ZFP91: variants seen among roughly 807,000 people sequenced by gnomAD.
ZFP91 encodes the protein ZFP91 zinc finger protein, atypical E3 ubiquitin ligase, also known as E3 ubiquitin-protein ligase ZFP91.
Under a neutral mutation model 63.5 loss-of-function variants are expected in ZFP91, and 7 were observed. That is an observed-to-expected ratio of 0.11 (90% CI 0.06 to 0.21). ZFP91 has a LOEUF of 0.21. ZFP91 is among the 10% of genes least tolerant of loss of function. The pLI is 1.00. For synonymous variants in ZFP91, 330 were observed against 272.1 expected (o/e 1.21, Z -2.10); for missense variants, 628 against 736.6 (o/e 0.85, Z 1.71).
chr11:58,619,810 T>G lies in ZFP91; in HGVS notation c.*2104T>G, dbSNP rs550697775. Reference sequence around the variant, plus strand: ...TTGGAGTCGACTTTGGTATATTGACTAGATTTGAAAATACAAGATTGATTA... The same window carrying G: ...TTGGAGTCGACTTTGGTATATTGACGAGATTTGAAAATACAAGATTGATTA... On this transcript the variant is annotated 3_prime_UTR_variant, in exon 11 of 11. Coordinates refer to ENST00000316059, the MANE Select transcript of ZFP91 (RefSeq NM_053023.5). 6.5e-6 allele frequency: 1 copy of G among 152,690 alleles called. No individual in the cohort carries two copies. The highest frequency in any genetic ancestry group is 2.1e-4 in the South Asian group (1 of 4,830). The allele number at this position is 152,690 out of a possible 1,614,324, so 9.5% of individuals were successfully genotyped here. A position where few individuals can be genotyped will look rare whatever the true frequency, so the allele number is the denominator to read the frequency against.
intron 2 of ZFP91, among the ~76,000 whole-genome samples, chr11:58,596,285 T>C (rs1473379387): frequency 6.6e-6 from 1 of 152,232 alleles, no homozygotes; most frequent in Non-Finnish European, 1.5e-5. Context: ...GTTACTCTTA[T>C]CTCAGGGGGT....
At chr11:58,608,496 A>G (rs1434703131) in intron 2 of ZFP91, among the ~76,000 whole-genome samples, 2 of 152,138 alleles carry the variant, frequency 1.3e-5, no homozygotes, top group Non-Finnish European at 2.9e-5. Context: ...ACAATACATT[A>G]TGTTGTCAAA....
chr11:58,583,809 A>G (rs1855158355), intron 1 of ZFP91, among the ~76,000 whole-genome samples: 1 of 152,070 alleles, frequency 6.6e-6, no homozygotes, highest in African/African-American at 2.4e-5. Context: ...GTTTCTAAGT[A>G]GAATAGATTT....
chr11:58,595,016 G>A (rs974505401), intron 2 of ZFP91, among the ~76,000 whole-genome samples: 2 of 152,132 alleles, frequency 1.3e-5, no homozygotes, highest in African/African-American at 4.8e-5. Flanking sequence ...TCTGGATTGA[G>A]CCCTTGCCGT....
At chr11:58,603,806 C>T (rs1275865005) in intron 2 of ZFP91, among the ~76,000 whole-genome samples, 2 of 152,128 alleles carry the variant, frequency 1.3e-5, no homozygotes, top group Non-Finnish European at 2.9e-5. Context: ...CCCTTTTTCC[C>T]CCCTTCTATT....
At chr11:58,592,132 G>C (rs1265921750) in intron 2 of ZFP91, among the ~76,000 whole-genome samples, 2 of 147,366 alleles carry the variant, frequency 1.4e-5, no homozygotes, top group African/African-American at 5.1e-5. Context: ...GCCCAGGCTG[G>C]AGTGCAGTGA....
At chr11:58,610,136 G>A in intron 3 of ZFP91, 97 bp downstream of exon 3, 3 of 1,489,892 alleles carry the variant, frequency 2.0e-6, no homozygotes, top group South Asian at 1.2e-5. Flanking sequence ...ACTGTCAGGG[G>A]CAGGTTTGAT....
chr11:58,616,718 C>A lies in ZFP91; in HGVS notation c.1105C>A (p.Gln369Lys). The change falls in exon 10 of 11, where the codon CAA becomes AAA. Residue 369 changes from glutamine (Q) to lysine (K), a missense_variant and splice_region_variant. Physicochemically the swap from Gln to Lys is moderately conservative, Grantham distance 53. Around this residue, in one of 3 missense-constraint regions of ZFP91, gnomAD observed 76 missense variants for 230.9 expected, o/e 0.33. Coordinates refer to ENST00000316059, the MANE Select transcript of ZFP91 (RefSeq NM_053023.5). ...TAACCACAGTATTTTCTTCATAGAT[C>A]AAAGGGATTATATCTGTGAATATTG... Reference protein sequence around the residue: ...LLRHAKHHTDQRDYICEYCAR... With the variant: ...LLRHAKHHTDKRDYICEYCAR... The A allele has an allele frequency of 6.2e-7, 1 of 1,612,586 alleles. No individual in the cohort carries two copies. Among genetic ancestry groups the A allele is most frequent in the South Asian group, 1.1e-5 (1 of 90,988 alleles).
intron 2 of ZFP91, among the ~76,000 whole-genome samples, chr11:58,607,589 A>G (rs1479591467): frequency 2.7e-5 from 4 of 148,070 alleles, no homozygotes; most frequent in South Asian, 2.2e-4. Flanking sequence ...TCGCACTGCT[A>G]TTTATCTCTG....
intron 2 of ZFP91, among the ~76,000 whole-genome samples, chr11:58,593,024 C>T (rs911782456): frequency 2.6e-5 from 4 of 152,144 alleles, no homozygotes; most frequent in African/African-American, 9.7e-5. Flanking sequence ...AGAGAACTCA[C>T]CTATTACCAC....
intron 2 of ZFP91, among the ~76,000 whole-genome samples, chr11:58,601,131 TG>T (rs1175559802): frequency 1.3e-5 from 2 of 152,196 alleles, no homozygotes; most frequent in African/African-American, 2.4e-5. Flanking sequence ...TAGGATGTGT[TG>T]GGAAGTGTTC....
Position 58,606,941 on chromosome 11 carries a change from GTTTTT to G in ZFP91, c.371-2884_371-2880del, listed in dbSNP as rs544319986. On this transcript the variant is annotated intron_variant, in intron 2 of 10. Coordinates refer to ENST00000316059, the MANE Select transcript of ZFP91 (RefSeq NM_053023.5). ...TTTTGCTGTCATCTCTGACAGAGTG[GTTTTT>G]TTTTAAGACTAGATTTTTAGGGGAC... Among the ~76,000 whole-genome samples, 3 of 151,054 alleles carry G rather than the reference GTTTTT, an allele frequency of 2.0e-5. No individual in the cohort carries two copies. In the South Asian group the frequency reaches 6.3e-4, roughly 32 times the overall value.
intron 2 of ZFP91, among the ~76,000 whole-genome samples, chr11:58,607,315 A>G (rs1855584311): frequency 6.6e-6 from 1 of 152,186 alleles, no homozygotes; most frequent in South Asian, 2.1e-4. Context: ...TTAATCTCAA[A>G]ATATGATTTC....
intron 7 of ZFP91, 79 bp downstream of exon 7, chr11:58,612,407 A>G: frequency 7.0e-7 from 1 of 1,432,230 alleles, no homozygotes; most frequent in Non-Finnish European, 9.7e-7. Flanking sequence ...ACTTCATGAT[A>G]ATCCTGCAGG....
Position 58,617,823 on chromosome 11 carries a change from T to G in ZFP91, c.*117T>G, listed in dbSNP as rs770957864. Reference sequence around the variant, plus strand: ...GTGAAATAACTGAAGGGCCTGCTCTTTCCATTGTGGATCACAGCACACACA... The same window carrying G: ...GTGAAATAACTGAAGGGCCTGCTCTGTCCATTGTGGATCACAGCACACACA... On this transcript the variant is annotated 3_prime_UTR_variant, in exon 11 of 11. Transcript: ENST00000316059. The surrounding 1 kb of genome is among the most constrained non-coding windows in gnomAD (Gnocchi z 4.2). 67 of 1,377,070 alleles carry G rather than the reference T, an allele frequency of 4.9e-5. No individual in the cohort carries two copies. The highest frequency in any genetic ancestry group is 5.6e-5 in the Non-Finnish European group (59 of 1,059,088). 85.3% of individuals were successfully genotyped at this position (1,377,070 alleles called of 1,614,324 possible).
rs1855824202 is a variant in ZFP91 at position 58,620,152 on chromosome 11, A to G, written c.*2446A>G. Reference sequence around the variant, plus strand: ...CTTTTAGGGGTCAAGGACCCTCTTTATAGCTACCATTTGCCTACAATAAAT... The same window carrying G: ...CTTTTAGGGGTCAAGGACCCTCTTTGTAGCTACCATTTGCCTACAATAAAT... On this transcript the variant is annotated 3_prime_UTR_variant, in exon 11 of 11. Transcript: ENST00000316059. 6.6e-6 allele frequency: 1 copy of G among 152,194 alleles called. No homozygotes were observed. 9.4% of individuals were successfully genotyped at this position (152,194 alleles called of 1,614,324 possible).
intron 2 of ZFP91, among the ~76,000 whole-genome samples, chr11:58,599,943 G>C (rs533972695): frequency 1.3e-5 from 2 of 152,174 alleles, no homozygotes; most frequent in South Asian, 2.1e-4. Context: ...TGAAGAGACT[G>C]TTTTCACCTA....
chr11:58,616,921 C>A, intron 10 of ZFP91, 106 bp downstream of exon 10: 1 of 1,088,516 alleles, frequency 9.2e-7, no homozygotes, highest in Non-Finnish European at 1.4e-6. Flanking sequence ...TTACTTTCAT[C>A]AAATAAATGA....
Position 58,579,216 on chromosome 11 carries a change from A to G in ZFP91, c.-66A>G, listed in dbSNP as rs1221707122. On this transcript the variant is annotated 5_prime_UTR_variant, in exon 1 of 11. Coordinates refer to ENST00000316059, the MANE Select transcript of ZFP91 (RefSeq NM_053023.5). ...CGGGAGGCGAGGGGGCGGGGGGAGC[A>G]GCGCCGAGGCCGCCGCCTCCGCCTC... The G allele has an allele frequency of 2.3e-6, 3 of 1,291,306 alleles. No homozygotes were observed. The highest frequency in any genetic ancestry group is 2.0e-6 in the Non-Finnish European group (2 of 1,006,692). The allele number at this position is 1,291,306 out of a possible 1,614,324, so 80.0% of individuals were successfully genotyped here.
Sources: allele counts gnomAD v4.1 joint callset (sites outside exome capture counted in the v4.1 genomes callset), GRCh38; gene constraint gnomAD v4.1.1; regional missense constraint gnomAD v4.1.1; non-coding constraint Gnocchi (gnomAD v3.1); transcripts MANE v1.5; gene names NCBI Gene and HGNC (gene_info 2026-07-23, HGNC 2026-07-21).